SPATS2L: variants seen among roughly 807,000 people sequenced by gnomAD.
The protein encoded by SPATS2L is spermatogenesis associated serine rich 2 like.
SPATS2L carries 30 observed loss-of-function variants against 59.6 expected under a neutral mutation model. The ratio of observed to expected loss-of-function variants is 0.50; its 90% CI spans 0.38 to 0.68. SPATS2L has a LOEUF of 0.68. Ranked by LOEUF, SPATS2L falls within the 30% of genes least tolerant of loss-of-function variation. The probability of loss-of-function intolerance (pLI) is 0.00; values close to 1 mark genes in which losing one functional copy is unlikely to be tolerated. For synonymous variants in SPATS2L, 252 were observed against 263.5 expected, an observed-to-expected ratio of 0.96 and a Z score of 0.42; for missense variants, 615 against 700.0, an observed-to-expected ratio of 0.88 and a Z score of 1.37.
chr2:200,356,637 T>A (rs1297791112), intron 2 of SPATS2L, among the ~76,000 whole-genome samples: 2 of 152,182 alleles, frequency 1.3e-5, no homozygotes, highest in African/African-American at 4.8e-5. Context: ...ATATAACTTA[T>A]CAACTAGATT....
chr2:200,459,920 G>A (rs2086118115), intron 9 of SPATS2L, 93 bp downstream of exon 9: 2 of 946,816 alleles, frequency 2.1e-6, no homozygotes, highest in African/African-American at 1.7e-5. Context: ...TTCTGAACAG[G>A]GTCCTAAAAT....
chr2:200,337,153 T>C (rs2080169761), intron 2 of SPATS2L, among the ~76,000 whole-genome samples: 1 of 152,242 alleles, frequency 6.6e-6, no homozygotes, highest in Non-Finnish European at 1.5e-5. Context: ...TTTTAAGTGC[T>C]AACCTATGAA....
intron 2 of SPATS2L, among the ~76,000 whole-genome samples, chr2:200,363,841 A>G (rs781411771): frequency 2.6e-5 from 4 of 152,202 alleles, no homozygotes; most frequent in South Asian, 2.1e-4. Flanking sequence ...CTCCACCTGC[A>G]TGGCTGGCAC....
At chr2:200,336,328 T>C (rs1021965283) in intron 2 of SPATS2L, among the ~76,000 whole-genome samples, 1 of 152,200 alleles carries the variant, frequency 6.6e-6, no homozygotes, top group Non-Finnish European at 1.5e-5. Context: ...TTAGAAAACA[T>C]TGTATTCATT....
chr2:200,357,523 A>G (rs1031917120), intron 2 of SPATS2L, among the ~76,000 whole-genome samples: 3 of 152,220 alleles, frequency 2.0e-5, no homozygotes, highest in African/African-American at 7.2e-5. Context: ...GGGGAAAAGT[A>G]ACTATACAAC....
At chr2:200,358,573 A>G (rs1252488754) in intron 2 of SPATS2L, among the ~76,000 whole-genome samples, 1 of 149,510 alleles carries the variant, frequency 6.7e-6, no homozygotes, top group Non-Finnish European at 1.5e-5. Flanking sequence ...TATTCACTAC[A>G]TACACACAAA....
intron 2 of SPATS2L, among the ~76,000 whole-genome samples, chr2:200,361,738 A>C (rs1403105350): frequency 6.6e-6 from 1 of 152,194 alleles, no homozygotes; most frequent in Non-Finnish European, 1.5e-5. Flanking sequence ...TCAGTTTTTC[A>C]CATACCACTT....
intron 1 of SPATS2L, among the ~76,000 whole-genome samples, chr2:200,307,585 C>T (rs912484351): frequency 1.3e-5 from 2 of 152,170 alleles, no homozygotes; most frequent in South Asian, 2.1e-4. Context: ...GGGGGGACCC[C>T]GGAGTCCGCG....
chr2:200,428,694 T>C (rs1463638975), intron 6 of SPATS2L, among the ~76,000 whole-genome samples: 1 of 152,106 alleles, frequency 6.6e-6, no homozygotes, highest in East Asian at 1.9e-4. Flanking sequence ...AAACTCATCA[T>C]CTCCCTTCCC....
chr2:200,317,165 G>A (rs775276165), intron 1 of SPATS2L, among the ~76,000 whole-genome samples: 11 of 152,140 alleles, frequency 7.2e-5, no homozygotes, highest in South Asian at 2.1e-4. Flanking sequence ...GAAAGCCTAC[G>A]TTATAAAAAC....
At chr2:200,321,469 A>G (rs1295298210) in intron 1 of SPATS2L, among the ~76,000 whole-genome samples, 2 of 152,208 alleles carry the variant, frequency 1.3e-5, no homozygotes, top group African/African-American at 4.8e-5. Flanking sequence ...AGCAAATGTG[A>G]ACTATTTTTA....
rs367817593 is a variant in SPATS2L at position 200,344,520 on chromosome 2, C to T, written c.-23+15040C>T. On this transcript the variant is annotated intron_variant, in intron 2 of 12. Transcript: ENST00000409140. ...ATGTCTTTGCCATTGTGAATAATGC[C>T]GCAGTGAACATTTGTGTGCATGTGT... 1.3e-4 allele frequency among the ~76,000 whole-genome samples: 20 copies of T among 152,098 alleles called. No homozygotes were observed. In the South Asian group the frequency reaches 3.7e-3, roughly 28 times the overall value.
intron 2 of SPATS2L, chr2:200,351,128 C>T (rs563748109): frequency 4.4e-4 from 184 of 415,554 alleles, no homozygotes; most frequent in Admixed American, 7.9e-4. Flanking sequence ...ATGAAATGCA[C>T]CACTATGAAA....
rs974026423 is a variant in SPATS2L at position 200,386,175 on chromosome 2, G to C, written c.-22-3048G>C. Among the ~76,000 whole-genome samples the C allele has an allele frequency of 2.0e-5, 3 of 150,826 alleles. No homozygotes were observed. The South Asian group carries it at 6.2e-4, about 31-fold the overall frequency. ...ACCCACCTGGAAGATGGAGCCTGTA[G>C]AGGCAGCCTTCCAGAGCCTGTAGAG... On this transcript the variant is annotated intron_variant, in intron 2 of 12. Coordinates refer to ENST00000409140, the MANE Select transcript of SPATS2L (RefSeq NM_001100423.2).
At chr2:200,372,961 C>T (rs1393752973) in intron 2 of SPATS2L, among the ~76,000 whole-genome samples, 1 of 152,176 alleles carries the variant, frequency 6.6e-6, no homozygotes, top group African/African-American at 2.4e-5. Context: ...AGCAGGTGCC[C>T]ACTAAGTGCT....
At chr2:200,308,692 C>A (rs1041157116) in intron 1 of SPATS2L, among the ~76,000 whole-genome samples, 7 of 152,112 alleles carry the variant, frequency 4.6e-5, no homozygotes, top group Admixed American at 2.6e-4. Context: ...CATAAAAATA[C>A]AATCACTTGA....
At chr2:200,325,163 C>T (rs2079693179) in intron 1 of SPATS2L, among the ~76,000 whole-genome samples, 1 of 152,138 alleles carries the variant, frequency 6.6e-6, no homozygotes, top group South Asian at 2.1e-4. Context: ...CTCATTTAAA[C>T]AATTCCATAA....
intron 1 of SPATS2L, among the ~76,000 whole-genome samples, chr2:200,309,572 T>C (rs1449754091): frequency 2.6e-5 from 4 of 152,232 alleles, no homozygotes; most frequent in Admixed American, 2.6e-4. Context: ...ACACAGGACA[T>C]GAGAGTAGGT....
At chr2:200,422,576 T>C (rs1313636149) in intron 6 of SPATS2L, among the ~76,000 whole-genome samples, 1 of 150,758 alleles carries the variant, frequency 6.6e-6, no homozygotes, top group African/African-American at 2.4e-5. Flanking sequence ...GAAATGATGG[T>C]AATGGAAGGT....
Sources: gnomAD v4.1 joint callset for allele counts (sites outside exome capture counted in the v4.1 genomes callset) on GRCh38, gnomAD v4.1.1 for gene constraint, MANE v1.5 for transcripts, NCBI Gene and HGNC (gene_info 2026-07-23, HGNC 2026-07-21) for gene names.